The following DOCK2 variants were observed in gnomAD, a reference collection of about 807,000 sequenced individuals.
DOCK2 encodes dedicator of cytokinesis protein 2.
A neutral mutation model predicts 248.9 loss-of-function variants in DOCK2; 87 were observed. The observed-to-expected ratio is 0.35, with a 90% CI of 0.29 to 0.42. The LOEUF is 0.42. DOCK2 is among the 10% of genes least tolerant of loss of function. The pLI is 1.00. For synonymous variants in DOCK2, 805 were observed against 821.6 expected (o/e 0.98, Z 0.35); for missense variants, 1,747 against 2,300.2 (o/e 0.76, Z 4.92).
intron 2 of DOCK2, among the ~76,000 whole-genome samples, chr5:169,654,986 A>G (rs939791851): frequency 3.3e-5 from 5 of 152,192 alleles, no homozygotes; most frequent in Admixed American, 6.5e-5. Context: ...TCTTTCTCCT[A>G]CAAAGATGCC....
rs111865191 is a variant in DOCK2, at chr5:169,801,644, G to A, written c.2555-1414G>A. On this transcript the variant is annotated intron_variant, in intron 25 of 51. Transcript: ENST00000520908. The stretch of plus-strand genomic sequence containing the variant: ...CTCCAGGGGAAGGCAGGGAGCCTAT[G>A]ACAGCTTCTCAGGATTATAGCCCAT... Among the ~76,000 whole-genome samples, 143 of 152,284 alleles carry A rather than the reference G, an allele frequency of 9.4e-4. 1 individual carries two copies. Among genetic ancestry groups the A allele is most frequent in the African/African-American group, 3.2e-3 (133 of 41,572 alleles).
intron 27 of DOCK2, among the ~76,000 whole-genome samples, chr5:169,959,220 G>A (rs1194953691): frequency 2.0e-5 from 3 of 152,008 alleles, no homozygotes; most frequent in African/African-American, 7.2e-5. Context: ...GTGAAACCCT[G>A]TCTGTACTAA....
At position 169,718,892 on chromosome 5, in the gene DOCK2, C is replaced by T. The variant is rs911896734; in HGVS notation, c.2267+101C>T. On this transcript the variant is annotated intron_variant, in intron 22 of 51. Coordinates refer to ENST00000520908, the MANE Select transcript of DOCK2 (RefSeq NM_004946.3). ...AGAAACTCGTTTAAAAAATTATAAC[C>T]AGCTGTCGATCAAAAACAGCTCAAG... 6.7e-4 allele frequency: 979 copies of T among 1,456,084 alleles called. 7 individuals are homozygous for T. Among genetic ancestry groups the T allele is most frequent in the Non-Finnish European group, 1.4e-4 (147 of 1,087,550 alleles). 90.2% of individuals were successfully genotyped at this position (1,456,084 alleles called of 1,614,324 possible). A position where few individuals can be genotyped will look rare whatever the true frequency, so the allele number is the denominator to read the frequency against.
chr5:170,051,047 C>T (rs1756896199), intron 41 of DOCK2, among the ~76,000 whole-genome samples: 1 of 152,132 alleles, frequency 6.6e-6, no homozygotes, highest in Non-Finnish European at 1.5e-5. Flanking sequence ...GGAAGCCATG[C>T]AGAGTACTGT....
chr5:169,670,114 T>C (rs1486563847), intron 3 of DOCK2, among the ~76,000 whole-genome samples: 1 of 152,196 alleles, frequency 6.6e-6, no homozygotes, highest in Non-Finnish European at 1.5e-5. Flanking sequence ...TTCCAGTTGT[T>C]CCTGACTGTG....
intron 25 of DOCK2, among the ~76,000 whole-genome samples, chr5:169,780,658 A>G (rs1327362858): frequency 1.3e-5 from 2 of 152,114 alleles, no homozygotes; most frequent in Non-Finnish European, 2.9e-5. Flanking sequence ...TATTCCCAGT[A>G]ACTGGCACTG....
chr5:169,730,950 C>T (rs965113272), intron 22 of DOCK2, among the ~76,000 whole-genome samples: 1 of 152,088 alleles, frequency 6.6e-6, no homozygotes, highest in Non-Finnish European at 1.5e-5. Flanking sequence ...GGCATGATCA[C>T]AGCTCACTGT....
chr5:170,075,213 T>C (rs549127065), intron 46 of DOCK2, among the ~76,000 whole-genome samples: 1 of 152,258 alleles, frequency 6.6e-6, no homozygotes, highest in East Asian at 1.9e-4. Flanking sequence ...CAACTAAAGT[T>C]CTCAGTTCTC....
At chr5:169,741,098 T>G (rs1308166003) in intron 22 of DOCK2, among the ~76,000 whole-genome samples, 1 of 152,198 alleles carries the variant, frequency 6.6e-6, no homozygotes, top group Non-Finnish European at 1.5e-5. Context: ...GTGTTGGGAT[T>G]ATAGGTGTGA....
At chr5:169,795,979 C>T (rs952592142) in intron 25 of DOCK2, among the ~76,000 whole-genome samples, 10 of 152,154 alleles carry the variant, frequency 6.6e-5, no homozygotes, top group Non-Finnish European at 1.2e-4. Flanking sequence ...ATGAATTTCA[C>T]CTTAAAGTCT....
intron 27 of DOCK2, among the ~76,000 whole-genome samples, chr5:169,922,065 G>T (rs549137838): frequency 1.3e-5 from 2 of 152,212 alleles, no homozygotes; most frequent in Admixed American, 1.3e-4. Flanking sequence ...TTTCTATTCT[G>T]CTCATTTCCT....
rs10045492 is a variant in DOCK2 at position 170,060,103 on chromosome 5, C to T, written c.4467+2437C>T. On this transcript the variant is annotated intron_variant, in intron 44 of 51. Transcript: ENST00000520908. ...ATGACTACAGTAATGTTTATATAGA[C>T]AGGCATTTTCTGATGAGCTTCAAGT... 1.6e-3 allele frequency among the ~76,000 whole-genome samples: 243 copies of T among 152,182 alleles called. 6 individuals are homozygous for T. The South Asian group carries it at 0.049, about 31-fold the overall frequency.
chr5:170,011,496 A>AAG (rs2113813062), intron 32 of DOCK2, among the ~76,000 whole-genome samples: 1 of 151,732 alleles, frequency 6.6e-6, no homozygotes, highest in African/African-American at 2.4e-5. Flanking sequence ...TGCAAAAAAA[A>AAG]GGCATTGACT....
intron 26 of DOCK2, among the ~76,000 whole-genome samples, chr5:169,818,984 G>T (rs1330349621): frequency 6.6e-6 from 1 of 152,036 alleles, no homozygotes; most frequent in Non-Finnish European, 1.5e-5. Context: ...CTTCATCAAA[G>T]GGTACGTAAA....
At chr5:170,011,584 C>G (rs1755297558) in intron 32 of DOCK2, among the ~76,000 whole-genome samples, 2 of 152,336 alleles carry the variant, frequency 1.3e-5, no homozygotes, top group South Asian at 4.1e-4. Context: ...TTGTTCCTGG[C>G]TACCTGAACC....
intron 27 of DOCK2, among the ~76,000 whole-genome samples, chr5:169,858,802 G>A (rs1208055141): frequency 6.6e-6 from 1 of 152,092 alleles, no homozygotes; most frequent in Non-Finnish European, 1.5e-5. Context: ...AGGAGTTTGA[G>A]ACCAGCTTGG....
At chr5:170,046,133 G>A (rs1756699863) in intron 39 of DOCK2, among the ~76,000 whole-genome samples, 1 of 152,226 alleles carries the variant, frequency 6.6e-6, no homozygotes, top group African/African-American at 2.4e-5. Flanking sequence ...CTCCTCAAAG[G>A]GAGCATTGAG....
At chr5:169,982,264 T>C (rs915426000) in intron 27 of DOCK2, among the ~76,000 whole-genome samples, 4 of 152,130 alleles carry the variant, frequency 2.6e-5, no homozygotes, top group African/African-American at 9.7e-5. Flanking sequence ...GGTTCCAGAA[T>C]AGATCTCCCT....
At chr5:170,063,192 G>C (rs187775599) in intron 44 of DOCK2, among the ~76,000 whole-genome samples, 1 of 152,180 alleles carries the variant, frequency 6.6e-6, no homozygotes, top group South Asian at 2.1e-4. Context: ...CATTCCCTGA[G>C]AGTTGGTGCA....
Sources: gnomAD v4.1 joint callset for allele counts (sites outside exome capture counted in the v4.1 genomes callset) on GRCh38, gnomAD v4.1.1 for gene constraint, MANE v1.5 for transcripts, NCBI Gene and HGNC (gene_info 2026-07-23, HGNC 2026-07-21) for gene names.